ZNF776: variants seen among roughly 807,000 people sequenced by gnomAD.
The protein encoded by ZNF776 is zinc finger protein 776.
Under a neutral mutation model 7.0 loss-of-function variants are expected in ZNF776, and 4 were observed. That is an observed-to-expected ratio of 0.57 (90% confidence interval 0.28 to 1.31). ZNF776 has a LOEUF of 1.31. Among genes scored for constraint, ZNF776 ranks in the 50% most tolerant of loss-of-function variants. ZNF776 has a pLI of 0.10. For missense variants in ZNF776, 555 were observed against 625.9 expected, an observed-to-expected ratio of 0.89 and a Z score of 1.21; for synonymous variants, 212 against 213.7, an observed-to-expected ratio of 0.99 and a Z score of 0.07.
chr19:57,757,705 G>A lies in ZNF776; in HGVS notation c.*3018G>A, dbSNP rs1467583494. The A allele has an allele frequency of 2.0e-5, 3 of 152,194 alleles. No individual in the cohort carries two copies. Among genetic ancestry groups the A allele is most frequent in the African/African-American group, 4.8e-5 (2 of 41,440 alleles). 9.4% of individuals were successfully genotyped at this position (152,194 alleles called of 1,614,324 possible). ...CCAACACTTTGGGAGTCCAGGGTGG[G>A]AGTATTGCTTGAGGTAAGAAGTTTG... On this transcript the variant is annotated 3_prime_UTR_variant, in exon 3 of 3. Transcript: ENST00000317178.
rs1264539127 is a variant in ZNF776 at position 57,756,951 on chromosome 19, C to T, written c.*2264C>T. On this transcript the variant is annotated 3_prime_UTR_variant, in exon 3 of 3. Transcript: ENST00000317178. ...CACTGCGGCCTCAAACTCCTGGGCT[C>T]AAGTGATCCTCCTGCCTCAGCCTCC... 2.3e-6 allele frequency: 1 copy of T among 425,722 alleles called. No individual in the cohort carries two copies. The highest frequency in any genetic ancestry group is 4.7e-6 in the Non-Finnish European group (1 of 213,834). 26.4% of individuals were successfully genotyped at this position (425,722 alleles called of 1,614,324 possible).
rs937958894 is a variant in ZNF776, at chr19:57,758,007, A to G, written c.*3320A>G. The stretch of plus-strand genomic sequence containing the variant: ...GGGATGCATATTTTGACATTCATCA[A>G]TCATGATATATGAGTAGTTCATTCT... On this transcript the variant is annotated 3_prime_UTR_variant, in exon 3 of 3. Transcript: ENST00000317178. 5.3e-5 allele frequency: 8 copies of G among 152,188 alleles called. No individual in the cohort carries two copies. Among genetic ancestry groups the G allele is most frequent in the Non-Finnish European group, 1.0e-4 (7 of 68,034 alleles). 9.4% of individuals were successfully genotyped at this position (152,188 alleles called of 1,614,324 possible).
At chr19:57,747,876 T>C (rs1986486463) in intron 1 of ZNF776, among the ~76,000 whole-genome samples, 1 of 150,400 alleles carries the variant, frequency 6.6e-6, no homozygotes, top group Non-Finnish European at 1.5e-5. Context: ...TTTTTTGATA[T>C]GGGAACCCTG....
intron 2 of ZNF776, among the ~76,000 whole-genome samples, chr19:57,752,721 C>T (rs1180453740): frequency 6.6e-6 from 1 of 152,188 alleles, no homozygotes; most frequent in Non-Finnish European, 1.5e-5. Context: ...TGATGCCAGC[C>T]CAGGACTAAT....
rs1040695558 is a variant in ZNF776, at chr19:57,757,544, C to T, written c.*2857C>T. On this transcript the variant is annotated 3_prime_UTR_variant, in exon 3 of 3. Transcript: ENST00000317178. ...CACAGGCTAATTGCCCCCCTTAGGG[C>T]GTGATGAGAGTTAGGAGAGTCAATG... The T allele has an allele frequency of 2.0e-5, 3 of 152,150 alleles. No individual in the cohort carries two copies. Among genetic ancestry groups the T allele is most frequent in the East Asian group, 1.9e-4 (1 of 5,198 alleles). The allele number at this position is 152,150 out of a possible 1,614,324, so 9.4% of individuals were successfully genotyped here. A position where few individuals can be genotyped will look rare whatever the true frequency, so the allele number is the denominator to read the frequency against.
Position 57,753,793 on chromosome 19 carries a change from C to G in ZNF776, c.663C>G (p.His221Gln), listed in dbSNP as rs1986683483. 1.2e-6 allele frequency: 2 copies of G among 1,613,664 alleles called. No homozygotes were observed. Among genetic ancestry groups the G allele is most frequent in the South Asian group, 1.1e-5 (1 of 91,092 alleles). The change falls in exon 3 of 3, where the codon CAC becomes CAG. Residue 221 changes from histidine to glutamine, a missense_variant. Physicochemically the swap from His to Gln is conservative, Grantham distance 24 (BLOSUM62 0). Coordinates refer to ENST00000317178, the MANE Select transcript of ZNF776 (RefSeq NM_173632.4). Reference protein sequence around the residue: ...GESTIPFSNKHSLVLHQRLLP... With the variant: ...GESTIPFSNKQSLVLHQRLLP... ...CCACAATACCGTTTAGCAACAAACA[C>G]TCACTTGTCCTTCACCAGAGACTTC...
rs1986762947 is a variant in ZNF776, at chr19:57,755,908, A to C, written c.*1221A>C. On this transcript the variant is annotated 3_prime_UTR_variant, in exon 3 of 3. Transcript: ENST00000317178. ...TAGCCTCTGCACTCGTTCCTTTCTC[A>C]TTTCTCTATGAAGAGTTAGGCCATG... 1.3e-5 allele frequency: 2 copies of C among 152,096 alleles called. No individual in the cohort carries two copies. Among genetic ancestry groups the C allele is most frequent in the South Asian group, 4.1e-4 (2 of 4,824 alleles). The allele number at this position is 152,096 out of a possible 1,614,324, so 9.4% of individuals were successfully genotyped here.
chr19:57,752,163 C>G (rs561815752), intron 2 of ZNF776, among the ~76,000 whole-genome samples: 58 of 152,206 alleles, frequency 3.8e-4, no homozygotes, highest in Admixed American at 1.6e-3. Context: ...AGCCACCGTG[C>G]CCGGCCTCAT....
Position 57,753,354 on chromosome 19 carries a change from C to G in ZNF776, c.224C>G (p.Ser75Cys). 1 of 1,614,176 alleles carries G rather than the reference C, an allele frequency of 6.2e-7. No individual in the cohort carries two copies. The highest frequency in any genetic ancestry group is 8.5e-7 in the Non-Finnish European group (1 of 1,180,038). ...CAGACCCTTTCTATACAACAGGAGT[C>G]CCCACTCAGGACACATTGGACAGGT... ...SKQTLSIQQESPLRTHWTGVC... is the reference protein window; with the variant it reads ...SKQTLSIQQECPLRTHWTGVC... The change falls in exon 3 of 3, where the codon TCC (serine) becomes TGC (cysteine). Residue 75 changes from serine to cysteine, a missense_variant. By Grantham distance (112) the Ser-to-Cys change is moderately radical. Transcript: ENST00000317178.
At position 57,754,910 on chromosome 19, in the gene ZNF776, C is replaced by T. The variant is rs1986732392; in HGVS notation, c.*223C>T. ...GCCTCACCAAATACCAGAAGGGTCACACTGGAGAAAGACCCTATAGTTATG... is the reference window on the plus strand; with the variant it reads ...GCCTCACCAAATACCAGAAGGGTCATACTGGAGAAAGACCCTATAGTTATG... On this transcript the variant is annotated 3_prime_UTR_variant, in exon 3 of 3. Transcript: ENST00000317178. 3 of 571,652 alleles carry T rather than the reference C, an allele frequency of 5.2e-6. No individual in the cohort carries two copies. Among genetic ancestry groups the T allele is most frequent in the Non-Finnish European group, 9.3e-6 (3 of 323,480 alleles). The allele number at this position is 571,652 out of a possible 1,614,324, so 35.4% of individuals were successfully genotyped here.
At position 57,754,102 on chromosome 19, in the gene ZNF776, A is replaced by T; in HGVS notation, c.972A>T (p.Glu324Asp). 6.2e-7 allele frequency: 1 copy of T among 1,614,120 alleles called. No homozygotes were observed. The highest frequency in any genetic ancestry group is 8.5e-7 in the Non-Finnish European group (1 of 1,179,988). The change falls in exon 3 of 3, where the codon GAA becomes GAT. Residue 324 changes from glutamate (E) to aspartate (D), a missense_variant. Glu to Asp is a conservative substitution (Grantham distance 45). Coordinates refer to ENST00000317178, the MANE Select transcript of ZNF776 (RefSeq NM_173632.4). ...HTGERPYECD[E>D]CGKSFSHKRS... is the part of the protein sequence containing the mutation. ...GAGAAAGACCTTATGAATGTGACGAATGTGGGAAATCTTTTAGCCATAAGC... is the reference window on the plus strand; with the variant it reads ...GAGAAAGACCTTATGAATGTGACGATTGTGGGAAATCTTTTAGCCATAAGC...
rs1161491074 is a variant in ZNF776 at position 57,755,207 on chromosome 19, C to G, written c.*520C>G. ...CTTATGAGAGCAGCGAGTAGAAAAT[C>G]CTTTGTGGGAAAACTCTGGTTTCAT... On this transcript the variant is annotated 3_prime_UTR_variant, in exon 3 of 3. Transcript: ENST00000317178. 1 of 158,592 alleles carries G rather than the reference C, an allele frequency of 6.3e-6. No homozygotes were observed. Among genetic ancestry groups the G allele is most frequent in the Non-Finnish European group, 1.4e-5 (1 of 71,716 alleles). The allele number at this position is 158,592 out of a possible 1,614,324, so 9.8% of individuals were successfully genotyped here.
rs550515216 is a variant in ZNF776 at position 57,746,931 on chromosome 19, G to C, written c.-128G>C. ...GACGAGACGTTGTCCCGACTGCACA[G>C]AGGCTGCTCTGCAGCTCCTTAAAGG... On this transcript the variant is annotated 5_prime_UTR_variant, in exon 1 of 3. Coordinates refer to ENST00000317178, the MANE Select transcript of ZNF776 (RefSeq NM_173632.4). The C allele has an allele frequency of 2.3e-5, 21 of 932,446 alleles. No individual in the cohort carries two copies. In the African/African-American group the frequency reaches 3.5e-4, roughly 15 times the overall value. The allele number at this position is 932,446 out of a possible 1,614,324, so 57.8% of individuals were successfully genotyped here. A position where few individuals can be genotyped will look rare whatever the true frequency, so the allele number is the denominator to read the frequency against.
rs1395923794 is a variant in ZNF776 at position 57,755,482 on chromosome 19, G to A, written c.*795G>A. ...TGTCTAACATATTATGCACAGACAA[G>A]CTCCTGCTGTGGAAGTGCCTTTTGA... is the stretch of plus-strand genomic sequence containing the variant. On this transcript the variant is annotated 3_prime_UTR_variant, in exon 3 of 3. Coordinates refer to ENST00000317178, the MANE Select transcript of ZNF776 (RefSeq NM_173632.4). 6.6e-6 allele frequency: 1 copy of A among 152,208 alleles called. No individual in the cohort carries two copies. The highest frequency in any genetic ancestry group is 1.5e-5 in the Non-Finnish European group (1 of 68,044). 9.4% of individuals were successfully genotyped at this position (152,208 alleles called of 1,614,324 possible). A position where few individuals can be genotyped will look rare whatever the true frequency, so the allele number is the denominator to read the frequency against.
At position 57,757,653 on chromosome 19, in the gene ZNF776, TG is replaced by T. The variant is rs1248441771; in HGVS notation, c.*2969del. On this transcript the variant is annotated 3_prime_UTR_variant, in exon 3 of 3. Transcript: ENST00000317178. ...TAAATTTTTAAAGCTGTAATAAGAC[TG>T]GGCATGGTGACTCATGCCTGTTATC... The T allele has an allele frequency of 2.0e-5, 3 of 152,252 alleles. No homozygotes were observed. The highest frequency in any genetic ancestry group is 4.4e-5 in the Non-Finnish European group (3 of 68,052). The allele number at this position is 152,252 out of a possible 1,614,324, so 9.4% of individuals were successfully genotyped here.
chr19:57,753,820 C>G lies in ZNF776; in HGVS notation c.690C>G (p.Leu230=). 1 of 1,614,188 alleles carries G rather than the reference C, an allele frequency of 6.2e-7. No homozygotes were observed. Among genetic ancestry groups the G allele is most frequent in the South Asian group, 1.1e-5 (1 of 91,088 alleles). The change falls in exon 3 of 3, where the codon CTC becomes CTG. Residue 230 remains leucine (L), a synonymous_variant. Coordinates refer to ENST00000317178, the MANE Select transcript of ZNF776 (RefSeq NM_173632.4). ...KHSLVLHQRL[L]PREGPYVCSD... ...CACTTGTCCTTCACCAGAGACTTCT[C>G]CCTAGAGAAGGACCTTATGTATGCA...
rs1475952695 is a variant in ZNF776 at position 57,753,283 on chromosome 19, T to G, written c.161-8T>G. 6.3e-7 allele frequency: 1 copy of G among 1,596,648 alleles called. No homozygotes were observed. The highest frequency in any genetic ancestry group is 2.2e-5 in the East Asian group (1 of 44,626). The stretch of plus-strand genomic sequence containing the variant: ...CCTTGCATTTTACCAGCATTTTATT[T>G]CTTTTAGGTTGTTGGTATGGAGCAA... On this transcript the variant is annotated splice_polypyrimidine_tract_variant and splice_region_variant and intron_variant, in intron 2 of 2. Coordinates refer to ENST00000317178, the MANE Select transcript of ZNF776 (RefSeq NM_173632.4).
At chr19:57,751,831 G>A (rs1986611010) in intron 2 of ZNF776, among the ~76,000 whole-genome samples, 2 of 144,630 alleles carry the variant, frequency 1.4e-5, no homozygotes, top group African/African-American at 5.1e-5. Context: ...ATGCCACCCT[G>A]CCCAACTAAT....
At position 57,754,640 on chromosome 19, in the gene ZNF776, A is replaced by T; in HGVS notation, c.1510A>T (p.Ile504Phe). ...GTGTTTTCGTCAAAAGGGAAACCTCATTAAACATCAACGAGTTCACACGGG... is the reference window on the plus strand; with the variant it reads ...GTGTTTTCGTCAAAAGGGAAACCTCTTTAAACATCAACGAGTTCACACGGG... ...GKCFRQKGNL[I>F]KHQRVHTGER... Residue 504 changes from isoleucine (I) to phenylalanine (F), a missense_variant, in exon 3 of 3, where the codon ATT becomes TTT. Ile to Phe is a conservative substitution (Grantham distance 21). Transcript: ENST00000317178. 1 of 1,613,880 alleles carries T rather than the reference A, an allele frequency of 6.2e-7. No individual in the cohort carries two copies. Among genetic ancestry groups the T allele is most frequent in the Non-Finnish European group, 8.5e-7 (1 of 1,179,730 alleles).
Sources: allele counts gnomAD v4.1 joint callset (sites outside exome capture counted in the v4.1 genomes callset), GRCh38; gene constraint gnomAD v4.1.1; transcripts MANE v1.5; gene names NCBI Gene and HGNC (gene_info 2026-07-23, HGNC 2026-07-21).